The following CD6 variants were observed in gnomAD, a reference collection of about 807,000 sequenced individuals.
CD6 encodes the protein CD6 molecule.
Under a neutral mutation model 75.3 loss-of-function variants are expected in CD6, and 53 were observed. The ratio of observed to expected loss-of-function variants is 0.70; its 90% CI spans 0.56 to 0.88. The LOEUF (loss-of-function observed/expected upper bound fraction) is 0.88. Ranked by LOEUF, CD6 falls within the 40% of genes least tolerant of loss-of-function variation. The pLI is 0.00. For synonymous variants in CD6, 359 were observed against 381.5 expected, an observed-to-expected ratio of 0.94 and a Z score of 0.69; for missense variants, 770 against 897.1, an observed-to-expected ratio of 0.86 and a Z score of 1.81.
At chr11:60,986,043 C>A (rs1433593744) in intron 1 of CD6, among the ~76,000 whole-genome samples, 2 of 152,126 alleles carry the variant, frequency 1.3e-5, no homozygotes, top group African/African-American at 4.8e-5. Context: ...GAAACTGAGG[C>A]CTTGGAACGG....
intron 1 of CD6, among the ~76,000 whole-genome samples, chr11:60,975,537 A>C (rs1294486559): frequency 2.6e-5 from 4 of 152,132 alleles, no homozygotes; most frequent in Non-Finnish European, 5.9e-5. Context: ...GTGGTAGTTC[A>C]CACCTGTAAT....
In CD6 at chr11:60,971,768, CCTGCGCCAGGGGCGCACAACG is replaced by C; in HGVS notation, c.-97_-77del. The C allele has an allele frequency of 8.3e-7, 1 of 1,206,834 alleles. No individual in the cohort carries two copies. Among genetic ancestry groups the C allele is most frequent in the Non-Finnish European group, 1.2e-6 (1 of 830,640 alleles). 74.8% of individuals were successfully genotyped at this position (1,206,834 alleles called of 1,614,324 possible). A position where few individuals can be genotyped will look rare whatever the true frequency, so the allele number is the denominator to read the frequency against. ...CAAGAACAGCAAAGGGTAGAGCAGA[CCTGCGCCAGGGGCGCACAACG>C]GCCGTGTCCACCTCCCGGCCCCAAG... On this transcript the variant is annotated 5_prime_UTR_variant, in exon 1 of 13. Coordinates refer to ENST00000313421, the MANE Select transcript of CD6 (RefSeq NM_006725.5).
intron 1 of CD6, among the ~76,000 whole-genome samples, chr11:60,999,739 T>C (rs1858488069): frequency 6.6e-6 from 1 of 152,126 alleles, no homozygotes; most frequent in African/African-American, 2.4e-5. Context: ...TTGTTTGTTT[T>C]TATTATGCTA....
intron 1 of CD6, among the ~76,000 whole-genome samples, chr11:60,982,201 G>A (rs566207093): frequency 6.7e-6 from 1 of 150,084 alleles, no homozygotes; most frequent in African/African-American, 2.5e-5. Flanking sequence ...TGGGGCTAGG[G>A]GCTTCTTGGG....
At chr11:61,005,055 G>A (rs1418442504) in intron 1 of CD6, among the ~76,000 whole-genome samples, 1 of 152,218 alleles carries the variant, frequency 6.6e-6, no homozygotes, top group Non-Finnish European at 1.5e-5. Context: ...CCAGCCCAGA[G>A]GGGAGGCAAG....
Position 61,009,817 on chromosome 11 carries a change from C to T in CD6, c.1027C>T (p.Arg343Trp), listed in dbSNP as rs762986173. 1.0e-5 allele frequency: 16 copies of T among 1,596,370 alleles called. No individual in the cohort carries two copies. Among genetic ancestry groups the T allele is most frequent in the East Asian group, 2.2e-5 (1 of 44,566 alleles). ...GCTCACCCTCTCCAACTGCTCCTGG[C>T]GGTTCAACAACTCCAACCTCTGCAG... ...EELTLSNCSW[R>W]FNNSNLCSQS... is the part of the protein sequence containing the mutation. The change falls in exon 5 of 13, where the codon CGG becomes TGG. Residue 343 changes from arginine to tryptophan, a missense_variant. Coordinates refer to ENST00000313421, the MANE Select transcript of CD6 (RefSeq NM_006725.5).
intron 1 of CD6, among the ~76,000 whole-genome samples, chr11:61,004,766 C>T (rs1275578850): frequency 6.6e-6 from 1 of 152,232 alleles, no homozygotes; most frequent in African/African-American, 2.4e-5. Context: ...GGGCTTACTC[C>T]TTACTCACAC....
intron 1 of CD6, among the ~76,000 whole-genome samples, chr11:60,974,497 A>C (rs1857294604): frequency 6.6e-6 from 1 of 152,138 alleles, no homozygotes. Flanking sequence ...CACCCACCTC[A>C]GCCTCCCAAA....
intron 1 of CD6, among the ~76,000 whole-genome samples, chr11:60,991,855 T>C (rs550561344): frequency 6.7e-6 from 1 of 149,244 alleles, no homozygotes; most frequent in South Asian, 2.1e-4. Context: ...TTCATATATA[T>C]CTATATATAT....
chr11:60,975,767 T>G (rs3019559), intron 1 of CD6, among the ~76,000 whole-genome samples: 150,667 of 152,314 alleles, frequency 0.99, 74,540 homozygotes, highest in East Asian at 1. Context: ...TTGTGCCACT[T>G]CACTCCAGTC....
chr11:61,003,409 G>A (rs1314405043), intron 1 of CD6, among the ~76,000 whole-genome samples: 1 of 152,088 alleles, frequency 6.6e-6, no homozygotes, highest in Non-Finnish European at 1.5e-5. Flanking sequence ...CCAATTTAAA[G>A]AAAAGTGTGA....
chr11:60,974,449 G>A (rs184677262), intron 1 of CD6, among the ~76,000 whole-genome samples: 11 of 152,322 alleles, frequency 7.2e-5, no homozygotes, highest in Admixed American at 2.6e-4. Context: ...GTTTCGCCAC[G>A]TTGGCCAGGA....
chr11:61,009,614 A>AGG lies in CD6; in HGVS notation c.827_828dup (p.Gln277GlyfsTer108). On this transcript the variant is annotated frameshift_variant, in exon 5 of 13. Coordinates refer to ENST00000313421, the MANE Select transcript of CD6 (RefSeq NM_006725.5). LOFTEE classifies it high-confidence loss of function. ...CTGACAGGGGGCGCTGACCGCTGCG[A>AGG]GGGGCAGGTGGAGGTACACTTCCGA... The AGG allele has an allele frequency of 6.2e-7, 1 of 1,612,982 alleles. No homozygotes were observed. Among genetic ancestry groups the AGG allele is most frequent in the Non-Finnish European group, 8.5e-7 (1 of 1,179,682 alleles).
chr11:60,981,217 C>T (rs559945942), intron 1 of CD6, among the ~76,000 whole-genome samples: 2 of 152,198 alleles, frequency 1.3e-5, no homozygotes, highest in South Asian at 4.1e-4. Context: ...AGGAGGTATG[C>T]GCTACTATTT....
chr11:60,976,380 C>G (rs527621640), intron 1 of CD6, among the ~76,000 whole-genome samples: 39 of 152,184 alleles, frequency 2.6e-4, no homozygotes, highest in African/African-American at 9.4e-4. Context: ...AAAATTGAAC[C>G]TAAGTCAATT....
At chr11:60,977,123 G>T (rs1440799426) in intron 1 of CD6, among the ~76,000 whole-genome samples, 2 of 152,136 alleles carry the variant, frequency 1.3e-5, no homozygotes, top group Admixed American at 1.3e-4. Context: ...GAGAAATGCT[G>T]CCCATGGCCC....
At chr11:61,006,464 C>T (rs753313477) in intron 1 of CD6, 110 bp from the exon 2 acceptor site, 15 of 847,402 alleles carry the variant, frequency 1.8e-5, no homozygotes, top group Non-Finnish European at 2.3e-5. Context: ...TTCCAAAGGC[C>T]TCATGTAGCC....
Position 61,011,122 on chromosome 11 carries a change from G to A in CD6, c.1137G>A (p.Gln379=), listed in dbSNP as rs748436641. Residue 379 remains glutamine (Q), a synonymous_variant, in exon 6 of 13, where the codon CAG becomes CAA. Transcript: ENST00000313421. ...LSTPEVPASV[Q]TVTIESSVTV... is the part of the protein sequence containing the mutation. ...CTCCCGAAGTCCCTGCAAGTGTTCA[G>A]ACAGTCACTATAGGTAAGTGTTGCT... 1.2e-6 allele frequency: 2 copies of A among 1,613,934 alleles called. No homozygotes were observed. The highest frequency in any genetic ancestry group is 4.5e-5 in the East Asian group (2 of 44,880).
rs187617448 is a variant in CD6 at position 61,019,239 on chromosome 11, C to T, written c.1943-15C>T. The T allele has an allele frequency of 3.2e-3, 5,098 of 1,608,032 alleles. 13 individuals carry two copies. Among genetic ancestry groups the T allele is most frequent in the Admixed American group, 6.0e-3 (360 of 59,838 alleles). ...TGACTGGGTCTCCCACTAATCTGGG[C>T]CTCTCTGCCCACAGGGTCCCCCAGC... On this transcript the variant is annotated splice_polypyrimidine_tract_variant and intron_variant, in intron 12 of 12. Transcript: ENST00000313421.
Sources: gnomAD v4.1 joint callset for allele counts (sites outside exome capture counted in the v4.1 genomes callset) on GRCh38, gnomAD v4.1.1 for gene constraint, MANE v1.5 for transcripts, NCBI Gene and HGNC (gene_info 2026-07-23, HGNC 2026-07-21) for gene names.